CCDC170: variants seen among roughly 807,000 people sequenced by gnomAD.
CCDC170 encodes coiled-coil domain containing 170, also known as coiled-coil domain-containing protein 170.
Under a neutral mutation model 72.6 loss-of-function variants are expected in CCDC170, and 69 were observed. The ratio of observed to expected loss-of-function variants is 0.95; its 90% CI spans 0.78 to 1.16. The LOEUF (loss-of-function observed/expected upper bound fraction) is 1.16, where lower values mean the gene tolerates loss of function less well. Ranked by LOEUF, CCDC170 falls within the 50% of genes most tolerant of loss-of-function variation. The pLI is 0.00. For synonymous variants in CCDC170, 300 were observed against 303.9 expected, an observed-to-expected ratio of 0.99 and a Z score of 0.13; for missense variants, 852 against 832.5, an observed-to-expected ratio of 1.02 and a Z score of -0.29.
At chr6:151,508,753 C>T (rs190274120) in intron 1 of CCDC170, among the ~76,000 whole-genome samples, 27 of 151,904 alleles carry the variant, frequency 1.8e-4, no homozygotes, top group Non-Finnish European at 2.9e-4. Context: ...TGGTGGCTCA[C>T]GCCTGTAATC....
chr6:151,610,711 T>C (rs1776856510), intron 9 of CCDC170, among the ~76,000 whole-genome samples: 1 of 152,228 alleles, frequency 6.6e-6, no homozygotes, highest in Admixed American at 6.5e-5. Flanking sequence ...ATAAATGGTC[T>C]GCAAGGTCAG....
intron 1 of CCDC170, among the ~76,000 whole-genome samples, chr6:151,531,658 G>C (rs778486503): frequency 3.9e-5 from 6 of 152,178 alleles, no homozygotes; most frequent in Non-Finnish European, 8.8e-5. Flanking sequence ...TAGTTTTTAT[G>C]CTGCTAATAA....
intron 6 of CCDC170, among the ~76,000 whole-genome samples, chr6:151,582,898 C>T (rs1480790731): frequency 6.6e-6 from 1 of 152,098 alleles, no homozygotes; most frequent in African/African-American, 2.4e-5. Context: ...CCCACTAGGC[C>T]CACCTCCAAC....
At chr6:151,604,170 C>G (rs1034473889) in intron 9 of CCDC170, among the ~76,000 whole-genome samples, 2 of 152,230 alleles carry the variant, frequency 1.3e-5, no homozygotes, top group African/African-American at 4.8e-5. Context: ...CTTTCTAACT[C>G]TCTTTATATC....
At chr6:151,596,099 G>A (rs1776617069) in intron 8 of CCDC170, among the ~76,000 whole-genome samples, 1 of 152,120 alleles carries the variant, frequency 6.6e-6, no homozygotes, top group South Asian at 2.1e-4. Context: ...GATGTGGAAA[G>A]CTGACTCCTG....
At chr6:151,569,080 GT>G (rs936447384) in intron 5 of CCDC170, among the ~76,000 whole-genome samples, 2 of 151,634 alleles carry the variant, frequency 1.3e-5, no homozygotes, top group South Asian at 4.1e-4. Flanking sequence ...GAATTTCTGA[GT>G]TTTTTTGTTA....
intron 9 of CCDC170, among the ~76,000 whole-genome samples, chr6:151,610,360 T>G (rs534847099): frequency 6.6e-6 from 1 of 152,320 alleles, no homozygotes; most frequent in African/African-American, 2.4e-5. Context: ...ATTTAATTGT[T>G]TTGAAAAATG....
At chr6:151,566,957 G>T (rs563273958) in intron 5 of CCDC170, among the ~76,000 whole-genome samples, 295 of 152,202 alleles carry the variant, frequency 1.9e-3, no homozygotes, top group Non-Finnish European at 3.4e-3. Flanking sequence ...TTTCGCTCTT[G>T]TTGCCCAGGC....
intron 5 of CCDC170, among the ~76,000 whole-genome samples, chr6:151,571,707 A>G (rs2115086734): frequency 6.6e-6 from 1 of 151,768 alleles, no homozygotes; most frequent in Non-Finnish European, 1.5e-5. Flanking sequence ...AGCCTGGGCA[A>G]TAAGAGTGAA....
intron 1 of CCDC170, among the ~76,000 whole-genome samples, chr6:151,510,723 A>ATAAG (rs145232579): frequency 0.074 from 11,231 of 151,920 alleles, 500 homozygotes; most frequent in East Asian, 0.17. Flanking sequence ...TTATAATTTT[A>ATAAG]TAAGTAAGTT....
At chr6:151,551,538 C>T (rs984289206) in intron 5 of CCDC170, among the ~76,000 whole-genome samples, 11 of 152,206 alleles carry the variant, frequency 7.2e-5, no homozygotes, top group Admixed American at 2.0e-4. Flanking sequence ...GTCTTAAATA[C>T]ACTCTATTGA....
intron 1 of CCDC170, among the ~76,000 whole-genome samples, chr6:151,516,519 GTGT>G (rs1023933008): frequency 6.6e-6 from 1 of 152,166 alleles, no homozygotes; most frequent in Non-Finnish European, 1.5e-5. Context: ...TGTTGAAGCG[GTGT>G]TGTTGTCTAG....
chr6:151,581,263 A>G (rs1028207172), intron 6 of CCDC170, among the ~76,000 whole-genome samples: 1 of 152,214 alleles, frequency 6.6e-6, no homozygotes, highest in Admixed American at 6.5e-5. Context: ...AATTGAGGTC[A>G]ATCCTCTCAA....
intron 7 of CCDC170, among the ~76,000 whole-genome samples, chr6:151,592,229 A>C (rs1363852285): frequency 6.6e-6 from 1 of 152,062 alleles, no homozygotes; most frequent in Non-Finnish European, 1.5e-5. Flanking sequence ...GCATGGTGGC[A>C]CGTGCCTGTA....
chr6:151,505,657 C>G (rs1782057196), intron 1 of CCDC170, among the ~76,000 whole-genome samples: 2 of 151,982 alleles, frequency 1.3e-5, no homozygotes, highest in South Asian at 4.2e-4. Context: ...GCACTAGAGC[C>G]CAGGCGACAA....
At chr6:151,612,197 G>C (rs1366734042) in intron 9 of CCDC170, among the ~76,000 whole-genome samples, 2 of 152,134 alleles carry the variant, frequency 1.3e-5, no homozygotes, top group East Asian at 3.9e-4. Flanking sequence ...AGACTTTCTA[G>C]TGGGATAGTG....
At chr6:151,548,573 T>C in intron 5 of CCDC170, 84 bp downstream of exon 5, 4 of 1,236,428 alleles carry the variant, frequency 3.2e-6, no homozygotes, top group Non-Finnish European at 4.3e-6. Context: ...ATAAGTGCCC[T>C]AGAACTACTG....
At chr6:151,526,677 G>A (rs1214876184) in intron 1 of CCDC170, among the ~76,000 whole-genome samples, 1 of 151,262 alleles carries the variant, frequency 6.6e-6, no homozygotes, top group East Asian at 2.0e-4. Context: ...ACGGCCCCTG[G>A]CCTTCTACTT....
At chr6:151,615,770 T>A in intron 10 of CCDC170, 91 bp downstream of exon 10, 1 of 984,722 alleles carries the variant, frequency 1.0e-6, no homozygotes, top group Non-Finnish European at 1.5e-6. Context: ...CATTTCTTTT[T>A]AAAAAAGTTT....
Sources: gnomAD v4.1 joint callset for allele counts (sites outside exome capture counted in the v4.1 genomes callset) on GRCh38, gnomAD v4.1.1 for gene constraint, MANE v1.5 for transcripts, NCBI Gene and HGNC (gene_info 2026-07-23, HGNC 2026-07-21) for gene names.